The following WWOX variants were observed in gnomAD, a reference collection of about 807,000 sequenced individuals.
WWOX encodes WW domain containing oxidoreductase.
In WWOX, 69 loss-of-function variants were observed where a neutral mutation model predicts 46.2. That is an observed-to-expected ratio of 1.49 (90% CI 1.23 to 1.82). The LOEUF (loss-of-function observed/expected upper bound fraction) is 1.82, where lower values mean the gene tolerates loss of function less well. Ranked by LOEUF, WWOX falls within the 40% of genes most tolerant of loss-of-function variation. The probability of loss-of-function intolerance (pLI) is 0.00; values close to 1 mark genes in which losing one functional copy is unlikely to be tolerated. For missense variants in WWOX, 919 were observed against 542.6 expected, an observed-to-expected ratio of 1.69 and a Z score of -6.89; for synonymous variants, 359 against 202.6, an observed-to-expected ratio of 1.77 and a Z score of -6.56.
chr16:78,197,373 C>T (rs762776590), intron 5 of WWOX, among the ~76,000 whole-genome samples: 2 of 152,194 alleles, frequency 1.3e-5, no homozygotes, highest in African/African-American at 4.8e-5. Context: ...TCCCACCACA[C>T]CACATCAAGT....
intron 1 of WWOX, among the ~76,000 whole-genome samples, chr16:78,103,854 G>T (rs1025339276): frequency 6.6e-6 from 1 of 151,876 alleles, no homozygotes; most frequent in Non-Finnish European, 1.5e-5. Context: ...TCTTGTGTGG[G>T]TGCTGTCGGC....
At chr16:78,713,626 C>T (rs1331519808) in intron 8 of WWOX, among the ~76,000 whole-genome samples, 1 of 152,086 alleles carries the variant, frequency 6.6e-6, no homozygotes, top group African/African-American at 2.4e-5. Flanking sequence ...AATTCATATG[C>T]ATGGAGGAAA....
chr16:78,793,135 C>G (rs957609422), intron 8 of WWOX, among the ~76,000 whole-genome samples: 3 of 152,162 alleles, frequency 2.0e-5, no homozygotes, highest in Non-Finnish European at 4.4e-5. Flanking sequence ...TGAAGTGATG[C>G]AATCTCAGGT....
intron 8 of WWOX, among the ~76,000 whole-genome samples, chr16:78,805,842 C>A (rs2051020070): frequency 2.0e-5 from 3 of 152,188 alleles, no homozygotes; most frequent in Non-Finnish European, 4.4e-5. Context: ...GTGCCAAGAT[C>A]TGCGAATATA....
intron 8 of WWOX, among the ~76,000 whole-genome samples, chr16:78,830,305 CAT>C (rs914316078): frequency 3.2e-5 from 3 of 94,162 alleles, no homozygotes; most frequent in Non-Finnish European, 7.1e-5. Flanking sequence ...TCATAATAAG[CAT>C]ATTTATATAT....
At chr16:78,808,809 A>G (rs1451004668) in intron 8 of WWOX, among the ~76,000 whole-genome samples, 1 of 152,142 alleles carries the variant, frequency 6.6e-6, no homozygotes, top group Non-Finnish European at 1.5e-5. Context: ...CCACTAGCCT[A>G]AACTGCTATT....
intron 8 of WWOX, among the ~76,000 whole-genome samples, chr16:78,694,449 A>T (rs1046122280): frequency 1.3e-5 from 2 of 152,196 alleles, no homozygotes; most frequent in African/African-American, 2.4e-5. Context: ...GCCTCCACTG[A>T]GAAGCGTCAG....
intron 8 of WWOX, among the ~76,000 whole-genome samples, chr16:79,048,579 C>A (rs1201932969): frequency 6.6e-6 from 1 of 152,008 alleles, no homozygotes. Context: ...GCCATCCTAA[C>A]CTGCCATTAA....
chr16:78,624,356 C>T (rs1206344282), intron 8 of WWOX, among the ~76,000 whole-genome samples: 1 of 152,092 alleles, frequency 6.6e-6, no homozygotes, highest in Non-Finnish European at 1.5e-5. Flanking sequence ...AAATAATTGT[C>T]TGGATGTTCC....
intron 8 of WWOX, among the ~76,000 whole-genome samples, chr16:78,968,297 A>G (rs1207750455): frequency 6.6e-6 from 1 of 152,230 alleles, no homozygotes; most frequent in Non-Finnish European, 1.5e-5. Flanking sequence ...TCCTACCCGT[A>G]GGAATCCAAC....
intron 8 of WWOX, among the ~76,000 whole-genome samples, chr16:79,041,977 T>G (rs978631888): frequency 7.9e-5 from 12 of 152,132 alleles, no homozygotes; most frequent in Non-Finnish European, 1.8e-4. Flanking sequence ...TTCACCCTGG[T>G]TCTGCAAAAT....
At chr16:78,856,635 T>C (rs1448040947) in intron 8 of WWOX, among the ~76,000 whole-genome samples, 1 of 152,032 alleles carries the variant, frequency 6.6e-6, no homozygotes, top group African/African-American at 2.4e-5. Flanking sequence ...AGAGCAAGAC[T>C]CTGTCTCAGA....
intron 8 of WWOX, among the ~76,000 whole-genome samples, chr16:78,554,428 A>G (rs943358026): frequency 2.6e-5 from 4 of 152,220 alleles, no homozygotes; most frequent in African/African-American, 9.6e-5. Flanking sequence ...TTTAAGCTCC[A>G]TACAGTAAAA....
intron 5 of WWOX, among the ~76,000 whole-genome samples, chr16:78,186,009 GC>G (rs1370667180): frequency 6.6e-6 from 1 of 152,122 alleles, no homozygotes; most frequent in Non-Finnish European, 1.5e-5. Context: ...GGCTAGCTCT[GC>G]CCCATTCAGT....
At chr16:78,783,806 T>A (rs1426045280) in intron 8 of WWOX, among the ~76,000 whole-genome samples, 1 of 151,612 alleles carries the variant, frequency 6.6e-6, no homozygotes, top group African/African-American at 2.4e-5. Flanking sequence ...AGGGTGATGG[T>A]GATGATGATG....
chr16:79,171,685 G>A (rs1257616632), intron 8 of WWOX, among the ~76,000 whole-genome samples: 2 of 152,092 alleles, frequency 1.3e-5, no homozygotes, highest in East Asian at 3.9e-4. Flanking sequence ...ATGCCATTTT[G>A]CTTTTTTATC....
chr16:78,150,846 C>T (rs2034380479), intron 4 of WWOX, among the ~76,000 whole-genome samples: 1 of 152,074 alleles, frequency 6.6e-6, no homozygotes, highest in South Asian at 2.1e-4. Flanking sequence ...AAAAGACTCT[C>T]CCCTCACCCA....
At chr16:78,950,275 C>T (rs2046032280) in intron 8 of WWOX, among the ~76,000 whole-genome samples, 1 of 151,948 alleles carries the variant, frequency 6.6e-6, no homozygotes, top group South Asian at 2.1e-4. Context: ...GATGTGTGTG[C>T]CTTTGGAGTG....
Position 78,321,815 on chromosome 16 carries a change from C to A in WWOX, c.517-65045C>A, listed in dbSNP as rs1320837471. 2.0e-5 allele frequency among the ~76,000 whole-genome samples: 3 copies of A among 152,102 alleles called. No individual in the cohort carries two copies. The East Asian group carries it at 5.8e-4, about 29-fold the overall frequency. ...GTCTGTTAGTGTTTCCAGCACAGCT[C>A]TAAAGAGCGACGCTTGGAGGCTGGG... On this transcript the variant is annotated intron_variant, in intron 5 of 8. Transcript: ENST00000566780.
Sources: gnomAD v4.1 joint callset for allele counts (sites outside exome capture counted in the v4.1 genomes callset) on GRCh38, gnomAD v4.1.1 for gene constraint, MANE v1.5 for transcripts, NCBI Gene and HGNC (gene_info 2026-07-23, HGNC 2026-07-21) for gene names.